Variants in TRHDE observed in about 807,000 individuals in gnomAD.
TRHDE encodes thyrotropin-releasing hormone-degrading ectoenzyme.
Under a neutral mutation model 125.7 loss-of-function variants are expected in TRHDE, and 72 were observed. The observed-to-expected ratio is 0.57, with a 90% CI of 0.47 to 0.70. The LOEUF (loss-of-function observed/expected upper bound fraction) is 0.70. Among genes scored for constraint, TRHDE ranks in the 30% least tolerant of loss-of-function variants. The pLI is 0.00. For synonymous variants in TRHDE, 509 were observed against 509.1 expected, an observed-to-expected ratio of 1.00 and a Z score of 0.00; for missense variants, 1,110 against 1,327.1, an observed-to-expected ratio of 0.84 and a Z score of 2.54.
chr12:72,267,280 C>G (rs984357901), intron 2 of TRHDE, among the ~76,000 whole-genome samples: 6 of 152,014 alleles, frequency 3.9e-5, no homozygotes, highest in African/African-American at 9.7e-5. Flanking sequence ...AACCAAAGAG[C>G]CTAGAGTGAA....
chr12:72,509,615 C>T lies in TRHDE; in HGVS notation c.1722+9980C>T, dbSNP rs558489060. 3.3e-5 allele frequency among the ~76,000 whole-genome samples: 5 copies of T among 152,238 alleles called. No individual in the cohort carries two copies. In the South Asian group the frequency reaches 1.0e-3, roughly 32 times the overall value. On this transcript the variant is annotated intron_variant, in intron 6 of 18. Transcript: ENST00000261180. ...ATGTCACCTTCTCAAGAAGACCTCC[C>T]ATTTAAAATGGGAATTGACACCTTC...
intron 15 of TRHDE, among the ~76,000 whole-genome samples, chr12:72,635,138 T>G (rs1366415476): frequency 6.6e-6 from 1 of 151,048 alleles, no homozygotes; most frequent in Non-Finnish European, 1.5e-5. Context: ...AGTGTTCCTA[T>G]TTCTCCACAT....
At chr12:72,359,695 C>T (rs1870981060) in intron 2 of TRHDE, among the ~76,000 whole-genome samples, 1 of 151,574 alleles carries the variant, frequency 6.6e-6, no homozygotes, top group African/African-American at 2.4e-5. Flanking sequence ...ATGCTAAGAT[C>T]TAATATTTTG....
intron 3 of TRHDE, among the ~76,000 whole-genome samples, chr12:72,407,929 GT>G (rs1255742772): frequency 6.6e-6 from 1 of 152,138 alleles, no homozygotes; most frequent in Non-Finnish European, 1.5e-5. Context: ...AATTGCCTTA[GT>G]TTGTTTTCTG....
At chr12:72,480,192 T>G in intron 5 of TRHDE, among the ~76,000 whole-genome samples, 2 of 151,654 alleles carry the variant, frequency 1.3e-5, no homozygotes, top group Non-Finnish European at 2.9e-5. Context: ...ATGGGATGGC[T>G]GGGTCAAATG....
chr12:72,638,015 T>G (rs1344964172), intron 15 of TRHDE, among the ~76,000 whole-genome samples: 4 of 151,486 alleles, frequency 2.6e-5, no homozygotes, highest in African/African-American at 9.7e-5. Context: ...AGATGTCTAT[T>G]AGGTCCGCTT....
intron 2 of TRHDE, among the ~76,000 whole-genome samples, chr12:72,183,394 C>A (rs1005209999): frequency 3.3e-5 from 5 of 152,144 alleles, no homozygotes; most frequent in Non-Finnish European, 5.9e-5. Flanking sequence ...AATCTTCTCT[C>A]GAACACTAGT....
chr12:72,540,372 C>G lies in TRHDE; in HGVS notation c.1723-1919C>G, dbSNP rs892611322. ...AGTTTTTCCTTCCTGTTACCACTCT[C>G]TCCAGCTTAATTCAGACAGGAAAAT... is the stretch of plus-strand genomic sequence containing the variant. On this transcript the variant is annotated intron_variant, in intron 6 of 18. Coordinates refer to ENST00000261180, the MANE Select transcript of TRHDE (RefSeq NM_013381.3). Among the ~76,000 whole-genome samples the G allele has an allele frequency of 7.2e-5, 11 of 151,894 alleles. No individual in the cohort carries two copies. In the East Asian group the frequency reaches 2.1e-3, roughly 29 times the overall value.
rs141364999 is a variant in TRHDE, at chr12:72,485,522, G to A, written c.1584+12342G>A. The stretch of plus-strand genomic sequence containing the variant: ...GCCTCCTGCACACCAGAGCAGTCAC[G>A]CCTCTGGCACCACAGCTGAGGGACA... On this transcript the variant is annotated intron_variant, in intron 5 of 18. Coordinates refer to ENST00000261180, the MANE Select transcript of TRHDE (RefSeq NM_013381.3). Among the ~76,000 whole-genome samples the A allele has an allele frequency of 2.6e-3, 399 of 152,112 alleles. 1 individual carries two copies. The highest frequency in any genetic ancestry group is 8.5e-3 in the African/African-American group (354 of 41,518).
At chr12:72,344,410 C>T (rs1030443256) in intron 2 of TRHDE, among the ~76,000 whole-genome samples, 8 of 152,140 alleles carry the variant, frequency 5.3e-5, no homozygotes, top group Admixed American at 3.9e-4. Context: ...TATTAATCCT[C>T]ATTTGCTGCT....
In TRHDE at chr12:72,351,626, G is replaced by A. The variant is rs928807928; in HGVS notation, c.1189-26369G>A. Among the ~76,000 whole-genome samples the A allele has an allele frequency of 2.6e-5, 4 of 151,886 alleles. No homozygotes were observed. The East Asian group carries it at 7.8e-4, about 30-fold the overall frequency. Reference sequence around the variant, plus strand: ...CTCTTTATCTCCATCACTACCACCTGGTCCAAGCTGCTACTATCTCTCCAT... The same window carrying A: ...CTCTTTATCTCCATCACTACCACCTAGTCCAAGCTGCTACTATCTCTCCAT... On this transcript the variant is annotated intron_variant, in intron 2 of 18. Transcript: ENST00000261180.
intron 12 of TRHDE, among the ~76,000 whole-genome samples, chr12:72,584,180 T>C (rs1366358113): frequency 6.6e-6 from 1 of 152,120 alleles, no homozygotes; most frequent in Non-Finnish European, 1.5e-5. Context: ...TAGTAGAAAA[T>C]GTTTTAATAT....
intron 3 of TRHDE, among the ~76,000 whole-genome samples, chr12:72,417,179 C>A (rs1379402439): frequency 6.6e-6 from 1 of 151,910 alleles, no homozygotes; most frequent in Non-Finnish European, 1.5e-5. Context: ...TTGCTGTTAG[C>A]ATATAGAAAT....
At chr12:72,162,583 T>C (rs1876659332) in intron 2 of TRHDE, among the ~76,000 whole-genome samples, 1 of 152,184 alleles carries the variant, frequency 6.6e-6, no homozygotes, top group Admixed American at 6.5e-5. Flanking sequence ...CTGGAGCCAG[T>C]TCCTCCAGCT....
intron 3 of TRHDE, among the ~76,000 whole-genome samples, chr12:72,439,417 C>T (rs149307858): frequency 3.8e-4 from 57 of 151,944 alleles, no homozygotes; most frequent in African/African-American, 1.3e-3. Flanking sequence ...AATATTAACT[C>T]TTCCAATCCA....
At chr12:72,265,026 C>A (rs1879034004) in intron 2 of TRHDE, among the ~76,000 whole-genome samples, 1 of 150,520 alleles carries the variant, frequency 6.6e-6, no homozygotes, top group Non-Finnish European at 1.5e-5. Flanking sequence ...AGTTATTTCT[C>A]TTTGTAGATA....
intron 3 of TRHDE, among the ~76,000 whole-genome samples, chr12:72,381,116 C>A (rs1261819951): frequency 3.3e-5 from 5 of 152,072 alleles, no homozygotes; most frequent in Non-Finnish European, 7.4e-5. Flanking sequence ...GGTGAGTACA[C>A]TGTGTGCTGC....
chr12:72,663,250 T>A lies in TRHDE; in HGVS notation c.*55T>A. 7.0e-7 allele frequency: 1 copy of A among 1,424,730 alleles called. No individual in the cohort carries two copies. Among genetic ancestry groups the A allele is most frequent in the South Asian group, 1.5e-5 (1 of 67,356 alleles). 88.3% of individuals were successfully genotyped at this position (1,424,730 alleles called of 1,614,324 possible). On this transcript the variant is annotated 3_prime_UTR_variant, in exon 19 of 19. Transcript: ENST00000261180. The stretch of plus-strand genomic sequence containing the variant: ...CTCAGAAGTTTATGAGAAGACACGC[T>A]TTTTGTGGAATGAGGAAAATGTACT...
chr12:72,174,345 A>C (rs909964075), intron 2 of TRHDE, among the ~76,000 whole-genome samples: 5 of 152,230 alleles, frequency 3.3e-5, no homozygotes, highest in Admixed American at 1.3e-4. Context: ...TAAACTATTA[A>C]GTTTTAAGGT....
Sources: allele counts gnomAD v4.1 joint callset (sites outside exome capture counted in the v4.1 genomes callset), GRCh38; gene constraint gnomAD v4.1.1; transcripts MANE v1.5; gene names NCBI Gene and HGNC (gene_info 2026-07-23, HGNC 2026-07-21).